Variants in ADGRL3 observed in about 807,000 individuals in gnomAD.
ADGRL3 encodes adhesion G protein-coupled receptor L3.
Under a neutral mutation model 153.5 loss-of-function variants are expected in ADGRL3, and 62 were observed. The observed-to-expected ratio is 0.40, with a 90% CI of 0.33 to 0.50. ADGRL3 has a LOEUF of 0.50. Among genes scored for constraint, ADGRL3 ranks in the 20% least tolerant of loss-of-function variants. ADGRL3 has a pLI of 0.47. For synonymous variants in ADGRL3, 710 were observed against 672.5 expected, an observed-to-expected ratio of 1.06 and a Z score of -0.86; for missense variants, 1,641 against 1,859.4, an observed-to-expected ratio of 0.88 and a Z score of 2.16.
At chr4:61,456,100 G>A (rs929018245) in intron 2 of ADGRL3, among the ~76,000 whole-genome samples, 4 of 151,716 alleles carry the variant, frequency 2.6e-5, no homozygotes, top group Admixed American at 6.6e-5. Context: ...CAATATGCCC[G>A]GCCGACCCTA....
intron 20 of ADGRL3, among the ~76,000 whole-genome samples, chr4:61,996,986 C>G (rs1211273334): frequency 6.9e-6 from 1 of 145,036 alleles, no homozygotes; most frequent in East Asian, 2.2e-4. Flanking sequence ...TACAAAGTTG[C>G]TATCCATTTT....
At chr4:62,001,765 A>G (rs1019602809) in intron 21 of ADGRL3, among the ~76,000 whole-genome samples, 1 of 152,182 alleles carries the variant, frequency 6.6e-6, no homozygotes, top group African/African-American at 2.4e-5. Flanking sequence ...ATTTATCTGG[A>G]AAACTTTTTT....
At chr4:61,578,642 TA>T (rs2098906602) in intron 4 of ADGRL3, among the ~76,000 whole-genome samples, 1 of 152,070 alleles carries the variant, frequency 6.6e-6, no homozygotes, top group Non-Finnish European at 1.5e-5. Context: ...ACCTCCCTTG[TA>T]AATGCACATT....
intron 4 of ADGRL3, among the ~76,000 whole-genome samples, chr4:61,558,446 G>A (rs1055848308): frequency 3.3e-5 from 5 of 151,238 alleles, no homozygotes; most frequent in African/African-American, 4.9e-5. Context: ...TATTGCTTTC[G>A]GTTCCCACTG....
intron 3 of ADGRL3, among the ~76,000 whole-genome samples, chr4:61,504,550 T>G (rs993815920): frequency 6.6e-6 from 1 of 152,138 alleles, no homozygotes; most frequent in Non-Finnish European, 1.5e-5. Context: ...TACAATAAAT[T>G]ATTGTTGGTT....
intron 13 of ADGRL3, among the ~76,000 whole-genome samples, chr4:61,922,574 T>G (rs2098774795): frequency 6.6e-6 from 1 of 152,226 alleles, no homozygotes; most frequent in Admixed American, 6.5e-5. Flanking sequence ...ATATTACATT[T>G]AATTAGCTCT....
At chr4:61,635,614 C>T (rs2093385885) in intron 5 of ADGRL3, among the ~76,000 whole-genome samples, 1 of 152,022 alleles carries the variant, frequency 6.6e-6, no homozygotes, top group Non-Finnish European at 1.5e-5. Flanking sequence ...AAATTTAAGC[C>T]CATGGTGAAC....
intron 5 of ADGRL3, among the ~76,000 whole-genome samples, chr4:61,589,910 A>G (rs1243681047): frequency 1.3e-5 from 2 of 152,276 alleles, no homozygotes; most frequent in African/African-American, 4.8e-5. Context: ...TTTCTTCAGT[A>G]GAGCTTTGCA....
intron 5 of ADGRL3, among the ~76,000 whole-genome samples, chr4:61,632,004 T>C (rs1024356098): frequency 1.3e-5 from 2 of 152,114 alleles, no homozygotes; most frequent in Non-Finnish European, 2.9e-5. Context: ...TGTGCCTATA[T>C]CAATGAGGTG....
chr4:61,908,463 G>T (rs1474227332), intron 11 of ADGRL3, among the ~76,000 whole-genome samples: 1 of 152,016 alleles, frequency 6.6e-6, no homozygotes, highest in African/African-American at 2.4e-5. Flanking sequence ...TGAGCATGGT[G>T]GCGGGCGCCT....
At chr4:61,474,969 T>C (rs2098026035) in intron 2 of ADGRL3, among the ~76,000 whole-genome samples, 1 of 152,176 alleles carries the variant, frequency 6.6e-6, no homozygotes, top group African/African-American at 2.4e-5. Flanking sequence ...GTTACATTTT[T>C]AATTTAAAAT....
chr4:61,699,989 G>A (rs1438804525), intron 6 of ADGRL3, among the ~76,000 whole-genome samples: 3 of 151,732 alleles, frequency 2.0e-5, no homozygotes, highest in African/African-American at 7.3e-5. Flanking sequence ...CAGAGAGAGA[G>A]AGAGAGAGAA....
intron 2 of ADGRL3, among the ~76,000 whole-genome samples, chr4:61,466,922 A>G (rs1341682333): frequency 6.6e-6 from 1 of 152,098 alleles, no homozygotes; most frequent in Non-Finnish European, 1.5e-5. Flanking sequence ...TATTGTTAAG[A>G]TTTAATGAAA....
rs1329508588 is a variant in ADGRL3, at chr4:61,850,355, A to G, written c.1480+36466A>G. On this transcript the variant is annotated intron_variant, in intron 9 of 26. Coordinates refer to ENST00000683033, the MANE Select transcript of ADGRL3 (RefSeq NM_001387552.1). ...TGGCTTTTGCACCAACCTAATGTGT[A>G]ATAACTAGCTTCTTGCTCTAATTTT... Among the ~76,000 whole-genome samples the G allele has an allele frequency of 5.9e-5, 9 of 152,268 alleles. No individual in the cohort carries two copies. The East Asian group carries it at 1.7e-3, about 29-fold the overall frequency.
chr4:62,054,032 C>T (rs1315584344), intron 25 of ADGRL3, among the ~76,000 whole-genome samples: 1 of 151,336 alleles, frequency 6.6e-6, no homozygotes, highest in Non-Finnish European at 1.5e-5. Context: ...GACTACATAC[C>T]ATTAGCAGAC....
rs147290318 is a variant in ADGRL3 at position 61,779,581 on chromosome 4, C to T, written c.1400-34228C>T. On this transcript the variant is annotated intron_variant, in intron 8 of 26. Coordinates refer to ENST00000683033, the MANE Select transcript of ADGRL3 (RefSeq NM_001387552.1). Reference sequence around the variant, plus strand: ...CCCAGAGGTGGAGGTTACAGTGAGCCGAGATCCAGCACTGAGCCACCCAGC... The same window carrying T: ...CCCAGAGGTGGAGGTTACAGTGAGCTGAGATCCAGCACTGAGCCACCCAGC... Among the ~76,000 whole-genome samples, 89 of 137,272 alleles carry T rather than the reference C, an allele frequency of 6.5e-4. 2 individuals are homozygous for T. The East Asian group carries it at 0.018, about 28-fold the overall frequency. 90.1% of individuals were successfully genotyped at this position (137,272 alleles called of 152,430 possible).
intron 17 of ADGRL3, among the ~76,000 whole-genome samples, chr4:61,975,680 A>G (rs2099045418): frequency 6.6e-6 from 1 of 152,196 alleles, no homozygotes; most frequent in African/African-American, 2.4e-5. Flanking sequence ...GGCTCTTCAT[A>G]AGAAATCAGA....
intron 3 of ADGRL3, among the ~76,000 whole-genome samples, chr4:61,504,622 G>C (rs2098415235): frequency 6.6e-6 from 1 of 151,708 alleles, no homozygotes; most frequent in Non-Finnish European, 1.5e-5. Context: ...CAGTATTTTT[G>C]TACCAACTAA....
intron 2 of ADGRL3, among the ~76,000 whole-genome samples, chr4:61,419,589 C>A (rs144972213): frequency 4.4e-4 from 67 of 152,270 alleles, no homozygotes; most frequent in African/African-American, 1.6e-3. Context: ...AGTACCCACA[C>A]AGACTCCACA....
Sources: allele counts gnomAD v4.1 joint callset (sites outside exome capture counted in the v4.1 genomes callset), GRCh38; gene constraint gnomAD v4.1.1; transcripts MANE v1.5; gene names NCBI Gene and HGNC (gene_info 2026-07-23, HGNC 2026-07-21).